Variants in CMTM7 observed in about 807,000 individuals in gnomAD.
The protein encoded by CMTM7 is CKLF-like MARVEL transmembrane domain-containing protein 7.
Under a neutral mutation model 19.3 loss-of-function variants are expected in CMTM7, and 7 were observed. The observed-to-expected ratio is 0.36, with a 90% CI of 0.21 to 0.68. The LOEUF is 0.68. Among genes scored for constraint, CMTM7 ranks in the 30% least tolerant of loss-of-function variants. The pLI is 0.60. For missense variants in CMTM7, 193 were observed against 232.6 expected (o/e 0.83, Z 1.11); for synonymous variants, 87 against 99.3 (o/e 0.88, Z 0.74).
Position 32,452,484 on chromosome 3 carries a change from G to A in CMTM7, c.514+11G>A, listed in dbSNP as rs774587079. 1 of 1,613,090 alleles carries A rather than the reference G, an allele frequency of 6.2e-7. No homozygotes were observed. The highest frequency in any genetic ancestry group is 8.5e-7 in the Non-Finnish European group (1 of 1,179,130). On this transcript the variant is annotated intron_variant, in intron 4 of 4. Coordinates refer to ENST00000334983, the MANE Select transcript of CMTM7 (RefSeq NM_138410.4). ...TAACCCAGTCCACAGGTGAGTTCTG[G>A]TTATCTGTGCACAGAGGATCTCTCA...
chr3:32,429,658 T>G (rs1470075476), intron 1 of CMTM7, among the ~76,000 whole-genome samples: 1 of 149,500 alleles, frequency 6.7e-6, no homozygotes, highest in African/African-American at 2.5e-5. Flanking sequence ...TGGAGTGCAG[T>G]GGCGCGATCT....
chr3:32,441,778 G>T (rs1282914430), intron 1 of CMTM7, 62 bp from the exon 2 acceptor site: 1 of 1,485,644 alleles, frequency 6.7e-7, no homozygotes, highest in South Asian at 1.2e-5. Context: ...GTTTTCCGTT[G>T]TTTGTTCCCT....
chr3:32,417,896 A>T (rs1168294275), intron 1 of CMTM7, among the ~76,000 whole-genome samples: 1 of 152,132 alleles, frequency 6.6e-6, no homozygotes, highest in African/African-American at 2.4e-5. Context: ...ATCTCAGCTC[A>T]CTGCAACCTC....
chr3:32,392,295 C>T lies in CMTM7; in HGVS notation c.159+230C>T, dbSNP rs538002042. Among the ~76,000 whole-genome samples, 295 of 152,364 alleles carry T rather than the reference C, an allele frequency of 1.9e-3. 5 individuals are homozygous for T. The highest frequency in any genetic ancestry group is 6.5e-3 in the African/African-American group (272 of 41,588). ...AGAGCCGCCCCGGCCCTTGCTCCCGCGGACCCAGGTCGCCAGGGTCGCAAG... is the reference window on the plus strand; with the variant it reads ...AGAGCCGCCCCGGCCCTTGCTCCCGTGGACCCAGGTCGCCAGGGTCGCAAG... On this transcript the variant is annotated intron_variant, in intron 1 of 4. Transcript: ENST00000334983.
chr3:32,412,985 A>G (rs1465932751), intron 1 of CMTM7, among the ~76,000 whole-genome samples: 1 of 152,270 alleles, frequency 6.6e-6, no homozygotes, highest in African/African-American at 2.4e-5. Flanking sequence ...GCTTTTAGCT[A>G]CTATAAATGA....
chr3:32,396,657 G>A (rs998723210), intron 1 of CMTM7, among the ~76,000 whole-genome samples: 2 of 152,206 alleles, frequency 1.3e-5, no homozygotes, highest in African/African-American at 2.4e-5. Flanking sequence ...GAGGGGGCAA[G>A]GTGCTCTGCA....
chr3:32,413,363 A>C (rs1294933767), intron 1 of CMTM7, among the ~76,000 whole-genome samples: 1 of 152,244 alleles, frequency 6.6e-6, no homozygotes, highest in African/African-American at 2.4e-5. Flanking sequence ...CTCTATTTGT[A>C]ACATGATTAT....
intron 3 of CMTM7, 65 bp from the exon 4 acceptor site, chr3:32,452,327 G>A (rs1696849839): frequency 6.2e-7 from 1 of 1,613,244 alleles, no homozygotes; most frequent in East Asian, 2.2e-5. Context: ...ATGAGAAGCA[G>A]ACAGGATTGC....
intron 1 of CMTM7, among the ~76,000 whole-genome samples, chr3:32,435,377 C>G (rs561413253): frequency 6.6e-6 from 1 of 152,308 alleles, no homozygotes; most frequent in Admixed American, 6.5e-5. Context: ...GCACTCCAGC[C>G]TGGGCGACTG....
chr3:32,422,513 C>T (rs1416440099), intron 1 of CMTM7, among the ~76,000 whole-genome samples: 1 of 152,236 alleles, frequency 6.6e-6, no homozygotes, highest in Non-Finnish European at 1.5e-5. Flanking sequence ...AGTGCCGTCT[C>T]GTAGCCCTAA....
chr3:32,429,601 ATT>A (rs1336943258), intron 1 of CMTM7, among the ~76,000 whole-genome samples: 40 of 126,608 alleles, frequency 3.2e-4, no homozygotes, highest in Middle Eastern at 5.3e-3. Context: ...GGAGCAGTGT[ATT>A]TTTTTTTTTT....
chr3:32,401,629 G>C (rs1242828005), intron 1 of CMTM7, among the ~76,000 whole-genome samples: 1 of 152,266 alleles, frequency 6.6e-6, no homozygotes, highest in Non-Finnish European at 1.5e-5. Context: ...CCACTGGACA[G>C]CCATCTGTTT....
intron 1 of CMTM7, among the ~76,000 whole-genome samples, chr3:32,418,931 T>A (rs1351951376): frequency 6.6e-6 from 1 of 152,214 alleles, no homozygotes. Flanking sequence ...TAATAAAGCC[T>A]ATCACTGGGA....
chr3:32,420,502 G>T (rs757969126), intron 1 of CMTM7, among the ~76,000 whole-genome samples: 5 of 152,220 alleles, frequency 3.3e-5, no homozygotes, highest in Non-Finnish European at 7.3e-5. Context: ...AGAAAGCAAA[G>T]GAGAATGCAG....
At chr3:32,400,313 C>A (rs1459217376) in intron 1 of CMTM7, among the ~76,000 whole-genome samples, 1 of 152,008 alleles carries the variant, frequency 6.6e-6, no homozygotes, top group Non-Finnish European at 1.5e-5. Context: ...AGCCACCTTG[C>A]CCGGCTGGTG....
chr3:32,427,160 G>A (rs1696445407), intron 1 of CMTM7, among the ~76,000 whole-genome samples: 1 of 152,228 alleles, frequency 6.6e-6, no homozygotes, highest in African/African-American at 2.4e-5. Flanking sequence ...GGGCATGGCT[G>A]GAGGGACCAC....
At chr3:32,451,161 A>C (rs1696823850) in intron 3 of CMTM7, 1 of 152,328 alleles carries the variant, frequency 6.6e-6, no homozygotes, top group African/African-American at 2.4e-5. Flanking sequence ...TTGGTACAAA[A>C]GGAGCCCAGG....
At chr3:32,401,668 G>A (rs1038778604) in intron 1 of CMTM7, among the ~76,000 whole-genome samples, 9 of 152,234 alleles carry the variant, frequency 5.9e-5, no homozygotes, top group Non-Finnish European at 1.2e-4. Flanking sequence ...CCTCGCGCCG[G>A]GCCCAGCGTG....
intron 1 of CMTM7, among the ~76,000 whole-genome samples, chr3:32,405,687 C>G (rs569050227): frequency 6.6e-6 from 1 of 152,282 alleles, no homozygotes; most frequent in South Asian, 2.1e-4. Context: ...CCCAGGAGTT[C>G]AAGGCTGCAG....
Sources: gnomAD v4.1 joint callset for allele counts (sites outside exome capture counted in the v4.1 genomes callset) on GRCh38, gnomAD v4.1.1 for gene constraint, MANE v1.5 for transcripts, NCBI Gene and HGNC (gene_info 2026-07-23, HGNC 2026-07-21) for gene names.